Variants in ZNF438 observed in about 807,000 individuals in gnomAD.
The protein encoded by ZNF438 is zinc finger protein 438.
A neutral mutation model predicts 38.0 loss-of-function variants in ZNF438; 25 were observed. That is an observed-to-expected ratio of 0.66 (90% CI 0.48 to 0.92). The LOEUF (loss-of-function observed/expected upper bound fraction) is 0.92, where lower values mean the gene tolerates loss of function less well. Among genes scored for constraint, ZNF438 ranks in the 40% least tolerant of loss-of-function variants. The probability of loss-of-function intolerance (pLI) is 0.00; values close to 1 mark genes in which losing one functional copy is unlikely to be tolerated. For missense variants in ZNF438, 1,007 were observed against 999.6 expected, an observed-to-expected ratio of 1.01 and a Z score of -0.10; for synonymous variants, 372 against 364.1, an observed-to-expected ratio of 1.02 and a Z score of -0.25.
At chr10:31,024,956 A>G (rs1245737858) in intron 1 of ZNF438, among the ~76,000 whole-genome samples, 1 of 152,230 alleles carries the variant, frequency 6.6e-6, no homozygotes, top group East Asian at 1.9e-4. Context: ...AAAAATATTC[A>G]TAGCCAAAAA....
Position 30,860,168 on chromosome 10 carries a change from G to C in ZNF438, c.38-9801C>G, listed in dbSNP as rs140977843. ...CCTACTTGTTTGATTGTAGGTCATC[G>C]GACCCGCATTCCAGAGAGGGTCCTG... On this transcript the variant is annotated intron_variant, in intron 4 of 5. Coordinates refer to ENST00000413025, the Ensembl canonical transcript of ZNF438. 1.1e-4 allele frequency among the ~76,000 whole-genome samples: 17 copies of C among 152,234 alleles called. No homozygotes were observed. In the East Asian group the frequency reaches 2.1e-3, roughly 19 times the overall value.
chr10:30,989,890 T>C (rs17295521), intron 1 of ZNF438, among the ~76,000 whole-genome samples: 12,071 of 152,204 alleles, frequency 0.079, 578 homozygotes, highest in Non-Finnish European at 0.11. Context: ...TTTTATTTTA[T>C]CTTCAATATG....
chr10:30,936,652 G>A (rs2046289528), intron 2 of ZNF438, among the ~76,000 whole-genome samples: 1 of 151,914 alleles, frequency 6.6e-6, no homozygotes, highest in Admixed American at 6.6e-5. Context: ...CCAGCCTAGG[G>A]GAGGAGCAAG....
chr10:31,025,353 G>A (rs780021774), intron 1 of ZNF438, among the ~76,000 whole-genome samples: 1 of 152,148 alleles, frequency 6.6e-6, no homozygotes, highest in African/African-American at 2.4e-5. Flanking sequence ...TAGATGCTAG[G>A]AGTAATGTCC....
At position 30,917,188 on chromosome 10, in the gene ZNF438, AT is replaced by A. The variant is rs368516864; in HGVS notation, c.-114-8174del. ...TTCTCATCCTTTCCCCTCACAGATA[AT>A]TTGCCAGTGTTTCATTTTATGAATA... On this transcript the variant is annotated intron_variant, in intron 2 of 5. Coordinates refer to ENST00000413025, the Ensembl canonical transcript of ZNF438. 2.2e-4 allele frequency among the ~76,000 whole-genome samples: 34 copies of A among 152,120 alleles called. 1 individual carries two copies. The East Asian group carries it at 4.2e-3, about 19-fold the overall frequency.
chr10:30,909,693 G>A (rs907747718), intron 2 of ZNF438, among the ~76,000 whole-genome samples: 1 of 152,192 alleles, frequency 6.6e-6, no homozygotes, highest in Non-Finnish European at 1.5e-5. Context: ...AGTCATGACA[G>A]AAGGGTGCTT....
At chr10:31,026,970 T>C (rs147585773) in intron 1 of ZNF438, among the ~76,000 whole-genome samples, 12,745 of 152,026 alleles carry the variant, frequency 0.084, 594 homozygotes, top group African/African-American at 0.12. Flanking sequence ...GAAACCATCA[T>C]TCTGAGCAAA....
intron 1 of ZNF438, among the ~76,000 whole-genome samples, chr10:31,003,997 T>C (rs1301827516): frequency 1.3e-5 from 2 of 152,216 alleles, no homozygotes; most frequent in African/African-American, 4.8e-5. Context: ...AGTGGAGATG[T>C]CAGAAAGGTG....
intron 1 of ZNF438, among the ~76,000 whole-genome samples, chr10:30,989,166 CAT>C (rs1310427396): frequency 3.9e-5 from 6 of 152,152 alleles, no homozygotes; most frequent in African/African-American, 1.4e-4. Flanking sequence ...CTGTATTCTA[CAT>C]GTTTGATTTG....
At chr10:30,884,188 G>A (rs1380364632) in intron 3 of ZNF438, among the ~76,000 whole-genome samples, 1 of 151,992 alleles carries the variant, frequency 6.6e-6, no homozygotes, top group Non-Finnish European at 1.5e-5. Context: ...TTTCATGTAG[G>A]ACACCCACTC....
At chr10:30,878,739 A>C (rs1238468171) in intron 3 of ZNF438, among the ~76,000 whole-genome samples, 1 of 151,940 alleles carries the variant, frequency 6.6e-6, no homozygotes, top group Non-Finnish European at 1.5e-5. Flanking sequence ...GATCACAGGC[A>C]CTCCCACCTG....
intron 1 of ZNF438, among the ~76,000 whole-genome samples, chr10:31,020,233 A>C (rs1402260810): frequency 6.6e-6 from 1 of 152,196 alleles, no homozygotes; most frequent in Non-Finnish European, 1.5e-5. Flanking sequence ...AAACAATCAA[A>C]AGGGTGAGAT....
At chr10:30,909,645 CT>C (rs1199932800) in intron 2 of ZNF438, among the ~76,000 whole-genome samples, 3 of 152,108 alleles carry the variant, frequency 2.0e-5, no homozygotes, top group African/African-American at 7.2e-5. Context: ...CTTTTTAATA[CT>C]GCATGGTGAA....
chr10:30,901,697 G>A (rs2042007639), intron 3 of ZNF438, among the ~76,000 whole-genome samples: 1 of 151,730 alleles, frequency 6.6e-6, no homozygotes, highest in African/African-American at 2.4e-5. Flanking sequence ...CTTGGCGATA[G>A]GCGATGGTCC....
chr10:30,893,383 G>A (rs2040936816), intron 3 of ZNF438, among the ~76,000 whole-genome samples: 1 of 152,208 alleles, frequency 6.6e-6, no homozygotes, highest in Non-Finnish European at 1.5e-5. Flanking sequence ...GCAAGAGACA[G>A]TGCTGCTGCC....
chr10:30,882,775 A>G (rs929071501), intron 3 of ZNF438, among the ~76,000 whole-genome samples: 1 of 152,204 alleles, frequency 6.6e-6, no homozygotes, highest in Non-Finnish European at 1.5e-5. Flanking sequence ...CATTATCTTG[A>G]TTATGATTAA....
rs367716966 is a variant in ZNF438, at chr10:30,876,990, T to G, written c.37+8A>C. The G allele has an allele frequency of 3.1e-6, 5 of 1,604,814 alleles. No homozygotes were observed. The African/African-American group carries it at 6.7e-5, about 21-fold the overall frequency. On this transcript the variant is annotated splice_region_variant and intron_variant, in intron 4 of 5. Transcript: ENST00000413025. ...CTCATCACCATTTTCCTCAGCAGTT[T>G]AACTTACCTTCATCTTTTGGTGGTA... is the stretch of plus-strand genomic sequence containing the variant.
intron 1 of ZNF438, among the ~76,000 whole-genome samples, chr10:30,957,191 T>C (rs894761854): frequency 6.6e-6 from 1 of 152,234 alleles, no homozygotes; most frequent in African/African-American, 2.4e-5. Flanking sequence ...ATGTCTTCTT[T>C]TGAGAAATAT....
intron 4 of ZNF438, among the ~76,000 whole-genome samples, chr10:30,853,656 T>A (rs539008732): frequency 6.6e-6 from 1 of 152,232 alleles, no homozygotes; most frequent in Admixed American, 6.5e-5. Flanking sequence ...TATATCCCAT[T>A]GTGAACTCCC....
Sources: allele counts gnomAD v4.1 joint callset (sites outside exome capture counted in the v4.1 genomes callset), GRCh38; gene constraint gnomAD v4.1.1; transcripts MANE v1.5; gene names NCBI Gene and HGNC (gene_info 2026-07-23, HGNC 2026-07-21).